The following DNAH5 variants were observed in gnomAD, a reference collection of about 807,000 sequenced individuals.
DNAH5 encodes dynein axonemal heavy chain 5.
In DNAH5, 372 loss-of-function variants were observed where a neutral mutation model predicts 518.2. That is an observed-to-expected ratio of 0.72 (90% CI 0.66 to 0.78). DNAH5 has a LOEUF of 0.78. Ranked by LOEUF, DNAH5 falls within the 30% of genes least tolerant of loss-of-function variation. The probability of loss-of-function intolerance (pLI) is 0.00; values close to 1 mark genes in which losing one functional copy is unlikely to be tolerated. For missense variants in DNAH5, 5,523 were observed against 5,687.0 expected, an observed-to-expected ratio of 0.97 and a Z score of 0.93; for synonymous variants, 2,039 against 2,025.9, an observed-to-expected ratio of 1.01 and a Z score of -0.17.
chr5:13,836,176 T>G (rs1764370985), intron 35 of DNAH5, among the ~76,000 whole-genome samples: 1 of 152,168 alleles, frequency 6.6e-6, no homozygotes, highest in South Asian at 2.1e-4. Context: ...CTTGCTAAAA[T>G]GAAGACAACA....
chr5:13,862,226 CCAGTGGATGGTCT>C (rs1359463442), intron 29 of DNAH5, among the ~76,000 whole-genome samples: 1 of 152,024 alleles, frequency 6.6e-6, no homozygotes, highest in Non-Finnish European at 1.5e-5. Context: ...ATTATTTTGT[CCAGTGGATGGTCT>C]CAGACATACC....
At chr5:14,002,790 C>T (rs1784451899) in intron 1 of DNAH5, among the ~76,000 whole-genome samples, 1 of 151,814 alleles carries the variant, frequency 6.6e-6, no homozygotes, top group Non-Finnish European at 1.5e-5. Context: ...ATTTTAGGGT[C>T]TACTTCTTGA....
chr5:13,841,774 T>C lies in DNAH5; in HGVS notation c.5402A>G (p.His1801Arg). 1.2e-6 allele frequency: 2 copies of C among 1,614,088 alleles called. No homozygotes were observed. Among genetic ancestry groups the C allele is most frequent in the Admixed American group, 1.7e-5 (1 of 60,018 alleles). ...SLLEESQSSL[H>R]LVIRQAAANI... is the part of the protein sequence containing the mutation. Reference sequence around the variant, plus strand: ...TGCGGCTGCCTGGCGAATCACAAGATGCAATGAGGACTGAGATTCTTCCAA... The same window carrying C: ...TGCGGCTGCCTGGCGAATCACAAGACGCAATGAGGACTGAGATTCTTCCAA... Residue 1801 changes from histidine to arginine, a missense_variant, in exon 33 of 79, where the codon CAT (histidine) becomes CGT (arginine). By Grantham distance (29) the His-to-Arg change is conservative. Coordinates refer to ENST00000265104, the MANE Select transcript of DNAH5 (RefSeq NM_001369.3).
In DNAH5 at chr5:13,900,353, C is replaced by T. The variant is rs1774436545; in HGVS notation, c.2112G>A (p.Gly704=). The part of the protein sequence containing the change: ...ASLLVKAPGT[G]ELFVNFDPQI... ...GAGGGTCAAAGTTTACAAACAATTC[C>T]CCTGTGCCTGGAGCCTTCACCAATA... Residue 704 remains glycine (G), a synonymous_variant, in exon 15 of 79, where the codon GGG becomes GGA. Coordinates refer to ENST00000265104, the MANE Select transcript of DNAH5 (RefSeq NM_001369.3). 6.2e-7 allele frequency: 1 copy of T among 1,613,984 alleles called. No homozygotes were observed. The highest frequency in any genetic ancestry group is 8.5e-7 in the Non-Finnish European group (1 of 1,180,012).
At chr5:13,878,064 C>A (rs1771133485) in intron 21 of DNAH5, among the ~76,000 whole-genome samples, 2 of 152,120 alleles carry the variant, frequency 1.3e-5, no homozygotes, top group Non-Finnish European at 2.9e-5. Flanking sequence ...CTCTCTAGAC[C>A]ACAGGAAGAA....
At position 13,717,119 on chromosome 5, in the gene DNAH5, A is replaced by G. The variant is rs544777984; in HGVS notation, c.12705+196T>C. The stretch of plus-strand genomic sequence containing the variant: ...GAATGTCAACTCACTTTTGAGAAAT[A>G]AAATAATAATCAAAATTTGATCAAT... On this transcript the variant is annotated intron_variant, in intron 73 of 78. Coordinates refer to ENST00000265104, the MANE Select transcript of DNAH5 (RefSeq NM_001369.3). Among the ~76,000 whole-genome samples, 33 of 152,288 alleles carry G rather than the reference A, an allele frequency of 2.2e-4. No individual in the cohort carries two copies. The South Asian group carries it at 6.8e-3, about 32-fold the overall frequency.
intron 5 of DNAH5, among the ~76,000 whole-genome samples, chr5:13,921,493 A>T (rs1305871088): frequency 2.7e-4 from 41 of 149,790 alleles, no homozygotes; most frequent in African/African-American, 8.1e-4. Context: ...ACACACACAC[A>T]CACACACACA....
chr5:13,912,646 C>T (rs1363385740), intron 11 of DNAH5, among the ~76,000 whole-genome samples: 1 of 151,018 alleles, frequency 6.6e-6, no homozygotes, highest in Non-Finnish European at 1.5e-5. Context: ...TTTTATGTAA[C>T]ACTATATACA....
At chr5:13,834,838 C>T (rs1185648396) in intron 35 of DNAH5, among the ~76,000 whole-genome samples, 1 of 152,196 alleles carries the variant, frequency 6.6e-6, no homozygotes, top group Non-Finnish European at 1.5e-5. Flanking sequence ...CTCACAGGCC[C>T]ACGTGAGGAC....
At chr5:13,824,400 T>G in intron 38 of DNAH5, 67 bp from the exon 39 acceptor site, 1 of 1,462,776 alleles carries the variant, frequency 6.8e-7, no homozygotes, top group Non-Finnish European at 9.6e-7. Context: ...CATATGAATC[T>G]GACAGAAATT....
intron 5 of DNAH5, among the ~76,000 whole-genome samples, chr5:13,921,750 A>ACCT (rs146846325): frequency 7.4e-6 from 1 of 134,276 alleles, no homozygotes; most frequent in Non-Finnish European, 1.6e-5. Flanking sequence ...GCCCACACAC[A>ACCT]CCCCCCCACA....
intron 47 of DNAH5, among the ~76,000 whole-genome samples, chr5:13,796,005 T>C (rs1336466450): frequency 2.0e-5 from 3 of 152,158 alleles, no homozygotes; most frequent in Admixed American, 6.5e-5. Context: ...AACAGCTCTT[T>C]ATGCTAAAAA....
rs1760415894 is a variant in DNAH5, at chr5:13,810,173, C to T, written c.7495G>A (p.Asp2499Asn). Residue 2499 changes from aspartate (D) to asparagine (N), a missense_variant, in exon 45 of 79, where the codon GAC (aspartate) becomes AAC (asparagine). Physicochemically the swap from Asp to Asn is conservative, Grantham distance 23 (BLOSUM62 1). Transcript: ENST00000265104. ...LWSAGAALEL[D>N]GRRRLELWLR... ...CAGAGCTCCAGGCGGCGCCGTCCGT[C>T]CAGCTCCAGCGCCGCCCCCGCGCTC... 3 of 1,549,008 alleles carry T rather than the reference C, an allele frequency of 1.9e-6. No homozygotes were observed. The highest frequency in any genetic ancestry group is 1.4e-5 in the African/African-American group (1 of 73,110).
chr5:13,893,444 A>G (rs1034104758), intron 16 of DNAH5, among the ~76,000 whole-genome samples: 1 of 152,166 alleles, frequency 6.6e-6, no homozygotes, highest in African/African-American at 2.4e-5. Flanking sequence ...TCTCCTACAC[A>G]CCCAGCTGAG....
intron 36 of DNAH5, 138 bp downstream of exon 36, chr5:13,830,459 G>T: frequency 1.9e-6 from 2 of 1,059,734 alleles, no homozygotes; most frequent in Non-Finnish European, 2.8e-6. Context: ...ACACAACCTG[G>T]CAAGATTGAA....
chr5:13,773,544 C>T (rs1753645205), intron 55 of DNAH5, among the ~76,000 whole-genome samples: 1 of 152,196 alleles, frequency 6.6e-6, no homozygotes, highest in African/African-American at 2.4e-5. Flanking sequence ...TCTACACAGT[C>T]TGATCCATTC....
chr5:13,909,485 C>G (rs1013198294), intron 12 of DNAH5, among the ~76,000 whole-genome samples: 4 of 151,974 alleles, frequency 2.6e-5, no homozygotes, highest in Non-Finnish European at 4.4e-5. Context: ...CTAGCATCAA[C>G]CACAGCCTCC....
chr5:13,881,914 C>T (rs374184674), intron 21 of DNAH5, among the ~76,000 whole-genome samples: 4 of 152,014 alleles, frequency 2.6e-5, no homozygotes, highest in East Asian at 3.9e-4. Flanking sequence ...AAAAGCTACA[C>T]AAAGTTGACA....
chr5:13,840,833 T>A (rs956398342), intron 34 of DNAH5, 73 bp downstream of exon 34: 2 of 1,234,136 alleles, frequency 1.6e-6, no homozygotes, highest in Non-Finnish European at 2.4e-6. Flanking sequence ...TCAAACTAGT[T>A]CTACTGGGTA....
Sources: gnomAD v4.1 joint callset for allele counts (sites outside exome capture counted in the v4.1 genomes callset) on GRCh38, gnomAD v4.1.1 for gene constraint, MANE v1.5 for transcripts, NCBI Gene and HGNC (gene_info 2026-07-23, HGNC 2026-07-21) for gene names.